The following NCOR1 variants were observed in gnomAD, a reference collection of about 807,000 sequenced individuals.
NCOR1 encodes protein phosphatase 1, regulatory subunit 109.
In NCOR1, 63 loss-of-function variants were observed where a neutral mutation model predicts 288.1. That is an observed-to-expected ratio of 0.22 (90% confidence interval 0.18 to 0.27). The LOEUF (loss-of-function observed/expected upper bound fraction) is 0.27. NCOR1 is among the 10% of genes least tolerant of loss of function. NCOR1 has a pLI of 1.00. For synonymous variants in NCOR1, 1,007 were observed against 1,065.9 expected (o/e 0.94, Z 1.08); for missense variants, 2,397 against 3,019.2 (o/e 0.79, Z 4.83).
chr17:16,073,439 T>A lies in NCOR1; in HGVS notation c.3801A>T (p.Ala1267=). The change falls in exon 28 of 46, where the codon GCA becomes GCT. Residue 1267 remains alanine, a synonymous_variant. Transcript: ENST00000268712. ...GMSMRESPVS[A]PLEGLICRAL... ...AAAACAATGCTTTACCCTCTAACGG[T>A]GCTGATACAGGAGACTCCCTCATTG... 6.2e-7 allele frequency: 1 copy of A among 1,603,032 alleles called. No individual in the cohort carries two copies. The highest frequency in any genetic ancestry group is 1.1e-5 in the South Asian group (1 of 88,868).
At chr17:16,091,446 T>C (rs763477590) in intron 22 of NCOR1, 13 of 577,656 alleles carry the variant, frequency 2.3e-5, no homozygotes, top group Non-Finnish European at 2.7e-5. Context: ...CAGCGTCTGA[T>C]TGGAAATATC....
At chr17:16,133,846 TC>T (rs1401034535) in intron 14 of NCOR1, among the ~76,000 whole-genome samples, 1 of 152,202 alleles carries the variant, frequency 6.6e-6, no homozygotes, top group Admixed American at 6.5e-5. Flanking sequence ...TTGATTATTG[TC>T]CTTTCCTCAT....
At chr17:16,077,786 G>A (rs117832830) in intron 26 of NCOR1, among the ~76,000 whole-genome samples, 199 of 152,190 alleles carry the variant, frequency 1.3e-3, no homozygotes, top group Middle Eastern at 3.4e-3. Flanking sequence ...ATAAAGATGC[G>A]TTTGAGCCTA....
intron 27 of NCOR1, 53 bp downstream of exon 27, chr17:16,075,481 T>C: frequency 6.4e-7 from 1 of 1,571,150 alleles, no homozygotes; most frequent in Non-Finnish European, 8.7e-7. Context: ...CCCAAGCCTA[T>C]GTTTTTAGCA....
intron 8 of NCOR1, among the ~76,000 whole-genome samples, chr17:16,150,082 T>C (rs989212129): frequency 1.3e-5 from 2 of 152,142 alleles, no homozygotes; most frequent in African/African-American, 4.8e-5. Flanking sequence ...AATCGCTTTT[T>C]AAATTGGAAG....
chr17:16,103,310 C>A (rs1024808387), intron 19 of NCOR1, among the ~76,000 whole-genome samples: 1 of 152,212 alleles, frequency 6.6e-6, no homozygotes, highest in Non-Finnish European at 1.5e-5. Context: ...TCTCTTGAAT[C>A]TATCCAATCC....
At chr17:16,067,475 ATTTC>A (rs1317003537) in intron 32 of NCOR1, among the ~76,000 whole-genome samples, 2 of 152,194 alleles carry the variant, frequency 1.3e-5, no homozygotes, top group Non-Finnish European at 2.9e-5. Flanking sequence ...AAAAAAAAGA[ATTTC>A]TTTTATATAA....
intron 1 of NCOR1, among the ~76,000 whole-genome samples, chr17:16,203,843 G>A (rs1388457332): frequency 6.6e-6 from 1 of 152,154 alleles, no homozygotes; most frequent in Non-Finnish European, 1.5e-5. Flanking sequence ...TTTGAACACA[G>A]GACAGAAAGT....
chr17:16,081,381 T>TA (rs2063388308), intron 23 of NCOR1, among the ~76,000 whole-genome samples: 4 of 10,736 alleles, frequency 3.7e-4, no homozygotes, highest in African/African-American at 1.0e-3. Flanking sequence ...AAATATTTAT[T>TA]TAAAAAAAAA....
Position 16,058,084 on chromosome 17 carries a change from T to A in NCOR1, c.6011-20A>T. ...GATCATCTAGGAGAGAACACATAGA[T>A]GTCTTACTCCAGGAATGTCTGTGCT... On this transcript the variant is annotated intron_variant, in intron 38 of 45. Transcript: ENST00000268712. 3 of 1,612,412 alleles carry A rather than the reference T, an allele frequency of 1.9e-6. No individual in the cohort carries two copies. Among genetic ancestry groups the A allele is most frequent in the African/African-American group, 1.3e-5 (1 of 75,014 alleles).
intron 20 of NCOR1, chr17:16,098,718 A>T (rs1025212236): frequency 2.3e-5 from 7 of 305,580 alleles, no homozygotes; most frequent in Non-Finnish European, 3.6e-5. Context: ...TCACTTCAGC[A>T]GCGCACATAC....
intron 26 of NCOR1, among the ~76,000 whole-genome samples, chr17:16,077,762 T>C (rs912290709): frequency 1.3e-5 from 2 of 152,186 alleles, no homozygotes; most frequent in Non-Finnish European, 2.9e-5. Flanking sequence ...TTGATTGTAA[T>C]GGTTCCTATT....
intron 10 of NCOR1, among the ~76,000 whole-genome samples, chr17:16,145,243 T>A (rs1295289897): frequency 6.6e-6 from 1 of 152,232 alleles, no homozygotes; most frequent in Non-Finnish European, 1.5e-5. Context: ...TGATCTAGGC[T>A]TGCTACAACC....
At chr17:16,175,395 G>C (rs2083950000) in intron 3 of NCOR1, among the ~76,000 whole-genome samples, 1 of 151,726 alleles carries the variant, frequency 6.6e-6, no homozygotes, top group African/African-American at 2.4e-5. Context: ...AAACTCTGTA[G>C]GCTTGCAGAC....
intron 43 of NCOR1, 197 bp downstream of exon 43, chr17:16,040,244 C>G (rs1207091123): frequency 3.0e-6 from 2 of 677,014 alleles, no homozygotes; most frequent in Non-Finnish European, 5.4e-6. Context: ...GTTCATTTAT[C>G]TTTTCAATAG....
chr17:16,049,902 AT>A (rs555561755), intron 40 of NCOR1, among the ~76,000 whole-genome samples: 2,792 of 151,896 alleles, frequency 0.018, 85 homozygotes, highest in African/African-American at 0.063. Context: ...TAAAATTTTT[AT>A]TTTTTAGAGA....
At position 16,031,085 on chromosome 17, in the gene NCOR1, T is replaced by C. The variant is rs986395375; in HGVS notation, c.*1211A>G. 13 of 191,772 alleles carry C rather than the reference T, an allele frequency of 6.8e-5. No homozygotes were observed. Among genetic ancestry groups the C allele is most frequent in the African/African-American group, 3.0e-4 (13 of 43,026 alleles). 11.9% of individuals were successfully genotyped at this position (191,772 alleles called of 1,614,324 possible). A position where few individuals can be genotyped will look rare whatever the true frequency, so the allele number is the denominator to read the frequency against. The stretch of plus-strand genomic sequence containing the variant: ...TCTTAATGAAAGATAAAACTGGCCC[T>C]CTAGTACCATAATTAGTTTAGAATT... On this transcript the variant is annotated 3_prime_UTR_variant, in exon 46 of 46. Transcript: ENST00000268712.
At position 16,171,916 on chromosome 17, in the gene NCOR1, G is replaced by A. The variant is rs2153465823; in HGVS notation, c.322C>T (p.Arg108Ter). The A allele has an allele frequency of 6.2e-7, 1 of 1,612,844 alleles. No individual in the cohort carries two copies. Among genetic ancestry groups the A allele is most frequent in the Non-Finnish European group, 8.5e-7 (1 of 1,179,452 alleles). The change falls in exon 4 of 46, where the codon CGA becomes TGA. Residue 108 changes from arginine (R) to a stop codon, truncating the protein, a stop_gained. Transcript: ENST00000268712. LOFTEE classifies it high-confidence loss of function. ...PVDHDSLESK[R>*]PRLEQVSDSH... The stretch of plus-strand genomic sequence containing the variant: ...TCAGAAACCTGTTCCAGACGTGGTC[G>A]CTTCGATTCCAGTGAATCATGATCC...
chr17:16,131,908 C>T (rs2075702796), intron 14 of NCOR1, among the ~76,000 whole-genome samples: 1 of 152,234 alleles, frequency 6.6e-6, no homozygotes, highest in Non-Finnish European at 1.5e-5. Context: ...CTAAGTATCA[C>T]TGACCCCACT....
Sources: allele counts gnomAD v4.1 joint callset (sites outside exome capture counted in the v4.1 genomes callset), GRCh38; gene constraint gnomAD v4.1.1; transcripts MANE v1.5; gene names NCBI Gene and HGNC (gene_info 2026-07-23, HGNC 2026-07-21).